The following NUP35 variants were observed in gnomAD, a reference collection of about 807,000 sequenced individuals.
NUP35 encodes nucleoporin NUP35.
In NUP35, 25 loss-of-function variants were observed where a neutral mutation model predicts 41.5. The observed-to-expected ratio is 0.60, with a 90% CI of 0.44 to 0.84. The LOEUF (loss-of-function observed/expected upper bound fraction) is 0.84. Among genes scored for constraint, NUP35 ranks in the 40% least tolerant of loss-of-function variants. NUP35 has a pLI of 0.00. For synonymous variants in NUP35, 149 were observed against 130.7 expected (o/e 1.14, Z -0.96); for missense variants, 396 against 396.6 (o/e 1.00, Z 0.01).
intron 3 of NUP35, chr2:183,131,397 T>A (rs899988814): frequency 1.3e-5 from 2 of 152,480 alleles, no homozygotes; most frequent in African/African-American, 2.4e-5. Flanking sequence ...GCTTTAGATA[T>A]ATGTTTTATG....
chr2:183,131,932 G>T (rs1027232806), intron 3 of NUP35, among the ~76,000 whole-genome samples: 10 of 152,126 alleles, frequency 6.6e-5, no homozygotes, highest in Admixed American at 5.9e-4. Context: ...GATTAGTTTG[G>T]TATGAAGGCT....
Position 183,128,680 on chromosome 2 carries a change from ATCCTGGGCTTCATGCGGTGT to A in NUP35, c.211+226_211+245del, listed in dbSNP as rs561493035. On this transcript the variant is annotated intron_variant, in intron 2 of 8. Coordinates refer to ENST00000295119, the MANE Select transcript of NUP35 (RefSeq NM_138285.5). The stretch of plus-strand genomic sequence containing the variant: ...TTTGTGTTGGGCAACATTCAAAGCC[ATCCTGGGCTTCATGCGGTGT>A]TCAAGCCATGGGTGGGACAAGCTTG... Among the ~76,000 whole-genome samples, 11 of 152,288 alleles carry A rather than the reference ATCCTGGGCTTCATGCGGTGT, an allele frequency of 7.2e-5. No homozygotes were observed. The South Asian group carries it at 2.1e-3, about 29-fold the overall frequency.
intron 1 of NUP35, among the ~76,000 whole-genome samples, chr2:183,119,245 C>T (rs569279505): frequency 1.2e-4 from 18 of 152,288 alleles, no homozygotes; most frequent in African/African-American, 4.3e-4. Context: ...GGCACCTTCT[C>T]TTGCTCTGTT....
intron 1 of NUP35, 117 bp downstream of exon 1, chr2:183,124,614 G>A: frequency 1.5e-6 from 2 of 1,311,980 alleles, no homozygotes; most frequent in Non-Finnish European, 2.2e-6. Flanking sequence ...TCGCGGAGAG[G>A]GAATCCTTGG....
At chr2:183,155,820 G>C (rs1685644081) in intron 5 of NUP35, among the ~76,000 whole-genome samples, 2 of 152,098 alleles carry the variant, frequency 1.3e-5, no homozygotes, top group Admixed American at 6.6e-5. Context: ...CCAGTAATTA[G>C]ATAAATTACT....
At chr2:183,157,917 C>T (rs1000016510) in intron 6 of NUP35, among the ~76,000 whole-genome samples, 1 of 152,050 alleles carries the variant, frequency 6.6e-6, no homozygotes, top group Non-Finnish European at 1.5e-5. Flanking sequence ...AATTATCTTA[C>T]CTTGTGCTAC....
chr2:183,130,943 C>A, intron 3 of NUP35: 1 of 1,158,062 alleles, frequency 8.6e-7, no homozygotes, highest in East Asian at 6.2e-5. Flanking sequence ...ATCTAGGGCA[C>A]TCGTCAGCTG....
upstream of NUP35, among the ~76,000 whole-genome samples, chr2:183,120,663 G>T (rs1159889631): frequency 6.6e-6 from 1 of 152,116 alleles, no homozygotes; most frequent in African/African-American, 2.4e-5. Flanking sequence ...AGTAGGTATT[G>T]TTTCTATTTT....
At chr2:183,132,108 C>T (rs55696219) in intron 3 of NUP35, among the ~76,000 whole-genome samples, 4,919 of 152,130 alleles carry the variant, frequency 0.032, 93 homozygotes, top group Non-Finnish European at 0.043. Flanking sequence ...ACTGTAGCCT[C>T]GACATCCTGG....
At chr2:183,149,178 A>G (rs1685379571) in intron 4 of NUP35, among the ~76,000 whole-genome samples, 1 of 152,184 alleles carries the variant, frequency 6.6e-6, no homozygotes, top group Non-Finnish European at 1.5e-5. Context: ...ATGCGCATTG[A>G]CCTGTAGAAC....
intron 2 of NUP35, among the ~76,000 whole-genome samples, 196 bp downstream of exon 2, chr2:183,128,653 A>G (rs1228106950): frequency 6.6e-6 from 1 of 152,132 alleles, no homozygotes; most frequent in Admixed American, 6.5e-5. Flanking sequence ...AAAGTTTACC[A>G]ATTTGTGTTG....
At chr2:183,142,660 A>G (rs145455233) in intron 4 of NUP35, among the ~76,000 whole-genome samples, 8,173 of 151,150 alleles carry the variant, frequency 0.054, 282 homozygotes, top group Middle Eastern at 0.082. Context: ...TTGTATTTTT[A>G]GTAGAGACAG....
intron 5 of NUP35, 123 bp from the exon 6 acceptor site, chr2:183,157,321 G>A (rs1685699844): frequency 1.3e-6 from 1 of 759,038 alleles, no homozygotes; most frequent in Non-Finnish European, 2.3e-6. Flanking sequence ...AGGATGATCA[G>A]CACTCTCCTG....
rs200806959 is a variant in NUP35 at position 183,159,544 on chromosome 2, A to G, written c.795A>G (p.Thr265=). 1.2e-6 allele frequency: 2 copies of G among 1,613,676 alleles called. No homozygotes were observed. The highest frequency in any genetic ancestry group is 1.1e-5 in the South Asian group (1 of 91,070). Residue 265 remains threonine, a synonymous_variant, in exon 8 of 9, where the codon ACA becomes ACG. Coordinates refer to ENST00000295119, the MANE Select transcript of NUP35 (RefSeq NM_138285.5). The stretch of plus-strand genomic sequence containing the variant: ...TATCATCTCCATCTTTAGCCTTTAC[A>G]CCACCAATCAAAACTCTAGGTACAC... ...CALSSPSLAF[T]PPIKTLGTPT...
chr2:183,159,816 A>G lies in NUP35; in HGVS notation c.903+164A>G, dbSNP rs1229640838. On this transcript the variant is annotated intron_variant, in intron 8 of 8. Coordinates refer to ENST00000295119, the MANE Select transcript of NUP35 (RefSeq NM_138285.5). ...AAAAGTTTTCTGCTTTAAAGTTAAC[A>G]TCTTGGCCAATTGGAAAGTTATCAT... 1.2e-5 allele frequency: 6 copies of G among 507,386 alleles called. No homozygotes were observed. In the Admixed American group the frequency reaches 1.2e-4, roughly 10 times the overall value. 31.4% of individuals were successfully genotyped at this position (507,386 alleles called of 1,614,324 possible).
chr2:183,129,040 A>G (rs1448945202), intron 2 of NUP35, among the ~76,000 whole-genome samples: 1 of 152,152 alleles, frequency 6.6e-6, no homozygotes, highest in Non-Finnish European at 1.5e-5. Flanking sequence ...AGTGCCTCAC[A>G]GAGTTGATGA....
chr2:183,127,488 A>G (rs752481047), intron 1 of NUP35, among the ~76,000 whole-genome samples: 10 of 152,146 alleles, frequency 6.6e-5, no homozygotes, highest in African/African-American at 2.2e-4. Flanking sequence ...TCTTTTCAAC[A>G]TGTTTCTGAG....
At chr2:183,127,181 A>G (rs1684521518) in intron 1 of NUP35, among the ~76,000 whole-genome samples, 1 of 151,604 alleles carries the variant, frequency 6.6e-6, no homozygotes, top group South Asian at 2.1e-4. Context: ...AATAATATCT[A>G]CTCTATAGAT....
rs67798004 is a variant in NUP35, at chr2:183,152,110, AACACAC to A, written c.539+501_539+506del. 8.1e-3 allele frequency among the ~76,000 whole-genome samples: 915 copies of A among 113,406 alleles called. 6 individuals carry two copies. The highest frequency in any genetic ancestry group is 0.038 in the Middle Eastern group (8 of 208). 74.4% of individuals were successfully genotyped at this position (113,406 alleles called of 152,430 possible). A position where few individuals can be genotyped will look rare whatever the true frequency, so the allele number is the denominator to read the frequency against. The stretch of plus-strand genomic sequence containing the variant: ...TGAATTAACAGAATGAACATTTACA[AACACAC>A]ACACACACACACACACACACACACA... On this transcript the variant is annotated intron_variant, in intron 5 of 8. Coordinates refer to ENST00000295119, the MANE Select transcript of NUP35 (RefSeq NM_138285.5).
Sources: gnomAD v4.1 joint callset for allele counts (sites outside exome capture counted in the v4.1 genomes callset) on GRCh38, gnomAD v4.1.1 for gene constraint, MANE v1.5 for transcripts, NCBI Gene and HGNC (gene_info 2026-07-23, HGNC 2026-07-21) for gene names.